Variants in ADGRB3 observed in about 807,000 individuals in gnomAD.
ADGRB3 encodes brain-specific angiogenesis inhibitor 3.
ADGRB3 carries 37 observed loss-of-function variants against 193.4 expected under a neutral mutation model. The ratio of observed to expected loss-of-function variants is 0.19; its 90% CI spans 0.15 to 0.25. The LOEUF is 0.25. Among genes scored for constraint, ADGRB3 ranks in the 10% least tolerant of loss-of-function variants. The pLI is 1.00. For missense variants in ADGRB3, 1,637 were observed against 1,852.9 expected (o/e 0.88, Z 2.14); for synonymous variants, 690 against 644.2 (o/e 1.07, Z -1.08).
intron 17 of ADGRB3, among the ~76,000 whole-genome samples, chr6:69,166,367 A>G (rs926113646): frequency 2.6e-5 from 4 of 152,088 alleles, no homozygotes; most frequent in African/African-American, 9.7e-5. Context: ...GGTTGGTCAC[A>G]TTTTCTCACT....
At chr6:69,255,081 C>T (rs1256062356) in intron 20 of ADGRB3, among the ~76,000 whole-genome samples, 1 of 151,496 alleles carries the variant, frequency 6.6e-6, no homozygotes, top group Non-Finnish European at 1.5e-5. Context: ...TGTATATGTG[C>T]CACATTTTCT....
At chr6:68,851,742 G>A (rs1467687162) in intron 3 of ADGRB3, among the ~76,000 whole-genome samples, 3 of 151,788 alleles carry the variant, frequency 2.0e-5, no homozygotes, top group African/African-American at 7.2e-5. Context: ...TCAATCTTTA[G>A]TGATAGAAAG....
At chr6:69,276,482 G>A (rs539398175) in intron 20 of ADGRB3, among the ~76,000 whole-genome samples, 2 of 152,270 alleles carry the variant, frequency 1.3e-5, no homozygotes, top group African/African-American at 2.4e-5. Flanking sequence ...TGGGGAGGAA[G>A]GAAATCCCTG....
intron 20 of ADGRB3, among the ~76,000 whole-genome samples, chr6:69,301,228 C>A (rs769640181): frequency 6.6e-6 from 1 of 151,742 alleles, no homozygotes; most frequent in Non-Finnish European, 1.5e-5. Context: ...AAAATGTACA[C>A]AAATCTATTA....
rs568569408 is a variant in ADGRB3 at position 69,178,958 on chromosome 6, T to A, written c.2481-54332T>A. Among the ~76,000 whole-genome samples the A allele has an allele frequency of 2.0e-5, 3 of 152,286 alleles. No homozygotes were observed. The South Asian group carries it at 6.2e-4, about 32-fold the overall frequency. On this transcript the variant is annotated intron_variant, in intron 17 of 31. Coordinates refer to ENST00000370598, the MANE Select transcript of ADGRB3 (RefSeq NM_001704.3). Reference sequence around the variant, plus strand: ...TGTTTTATATAGTATCTCACGGGTGTTCTCTGGATTTGTCGTAACTGGATG... The same window carrying A: ...TGTTTTATATAGTATCTCACGGGTGATCTCTGGATTTGTCGTAACTGGATG...
intron 3 of ADGRB3, among the ~76,000 whole-genome samples, chr6:68,868,462 ATGT>A (rs1159463759): frequency 2.0e-5 from 3 of 152,206 alleles, no homozygotes; most frequent in African/African-American, 7.2e-5. Flanking sequence ...GTAATGTAAC[ATGT>A]TGTTATCTTT....
At chr6:69,289,508 C>T (rs931535654) in intron 20 of ADGRB3, among the ~76,000 whole-genome samples, 11 of 152,100 alleles carry the variant, frequency 7.2e-5, no homozygotes, top group African/African-American at 2.7e-4. Flanking sequence ...ACGGTTTTGC[C>T]CCAGACTTTC....
At chr6:68,793,160 T>C (rs536285654) in intron 3 of ADGRB3, among the ~76,000 whole-genome samples, 1 of 152,256 alleles carries the variant, frequency 6.6e-6, no homozygotes, top group East Asian at 1.9e-4. Context: ...TAGACTGAAA[T>C]AGCACAAGTT....
intron 3 of ADGRB3, among the ~76,000 whole-genome samples, chr6:68,789,369 G>A (rs1220066663): frequency 1.3e-5 from 2 of 152,038 alleles, no homozygotes; most frequent in Non-Finnish European, 2.9e-5. Flanking sequence ...AAATCTCTCA[G>A]CATTTGCTTG....
At chr6:69,255,238 G>A (rs565173967) in intron 20 of ADGRB3, among the ~76,000 whole-genome samples, 1 of 152,212 alleles carries the variant, frequency 6.6e-6, no homozygotes, top group South Asian at 2.1e-4. Flanking sequence ...TGGGATGGCT[G>A]GGTCAAATGG....
chr6:69,118,974 G>A (rs924396107), intron 17 of ADGRB3, among the ~76,000 whole-genome samples: 24 of 152,128 alleles, frequency 1.6e-4, no homozygotes, highest in African/African-American at 5.8e-4. Context: ...GAATTAAGCT[G>A]TAATTTTCTT....
At chr6:69,223,373 A>G (rs1765940115) in intron 17 of ADGRB3, among the ~76,000 whole-genome samples, 2 of 152,106 alleles carry the variant, frequency 1.3e-5, no homozygotes, top group African/African-American at 4.8e-5. Context: ...ATTAAGCTTA[A>G]CCCTTAATTG....
At chr6:68,834,970 T>TA (rs900304519) in intron 3 of ADGRB3, among the ~76,000 whole-genome samples, 4 of 151,892 alleles carry the variant, frequency 2.6e-5, no homozygotes, top group South Asian at 2.1e-4. Flanking sequence ...ATATGTGAGT[T>TA]AAAAAAAATC....
intron 3 of ADGRB3, among the ~76,000 whole-genome samples, chr6:68,801,909 T>A (rs1767318878): frequency 6.6e-6 from 1 of 152,046 alleles, no homozygotes; most frequent in Non-Finnish European, 1.5e-5. Context: ...CTGACCTCTT[T>A]CCCACATAGA....
At chr6:68,871,402 T>C (rs931748971) in intron 3 of ADGRB3, among the ~76,000 whole-genome samples, 2 of 152,192 alleles carry the variant, frequency 1.3e-5, no homozygotes, top group Non-Finnish European at 2.9e-5. Context: ...TTAGGCAAAT[T>C]TAATGGTCTC....
At chr6:69,086,150 A>G (rs989726094) in intron 17 of ADGRB3, among the ~76,000 whole-genome samples, 1 of 152,154 alleles carries the variant, frequency 6.6e-6, no homozygotes, top group Non-Finnish European at 1.5e-5. Flanking sequence ...AATGAAAACT[A>G]AAGATGGCAT....
intron 11 of ADGRB3, among the ~76,000 whole-genome samples, chr6:69,012,599 C>G (rs932844718): frequency 5.3e-5 from 8 of 152,030 alleles, no homozygotes; most frequent in Non-Finnish European, 1.5e-5. Flanking sequence ...AAAAACGGGT[C>G]TAAAACAGAC....
intron 20 of ADGRB3, among the ~76,000 whole-genome samples, chr6:69,316,357 C>G (rs1009429206): frequency 6.6e-6 from 1 of 151,038 alleles, no homozygotes; most frequent in African/African-American, 2.4e-5. Flanking sequence ...AAATAGGAAA[C>G]ATAGACAAGT....
intron 24 of ADGRB3, among the ~76,000 whole-genome samples, chr6:69,333,466 A>G (rs1181885692): frequency 5.3e-5 from 8 of 151,986 alleles, no homozygotes. Flanking sequence ...AAAAATCTTC[A>G]CTTGGAATAA....
Sources: allele counts gnomAD v4.1 joint callset (sites outside exome capture counted in the v4.1 genomes callset), GRCh38; gene constraint gnomAD v4.1.1; transcripts MANE v1.5; gene names NCBI Gene and HGNC (gene_info 2026-07-23, HGNC 2026-07-21).